Variants in CTSZ observed in about 807,000 individuals in gnomAD.
CTSZ encodes carboxypeptidase LB.
A neutral mutation model predicts 32.4 loss-of-function variants in CTSZ; 39 were observed. That is an observed-to-expected ratio of 1.20 (90% CI 0.93 to 1.57). The LOEUF is 1.57. CTSZ is among the 40% of genes most tolerant of loss of function. CTSZ has a pLI of 0.00. For missense variants in CTSZ, 397 were observed against 419.6 expected, an observed-to-expected ratio of 0.95 and a Z score of 0.47; for synonymous variants, 168 against 170.1, an observed-to-expected ratio of 0.99 and a Z score of 0.10.
chr20:58,996,434 A>G (rs2091860470), intron 5 of CTSZ, among the ~76,000 whole-genome samples: 1 of 152,148 alleles, frequency 6.6e-6, no homozygotes, highest in Non-Finnish European at 1.5e-5. Flanking sequence ...CTGAACACCC[A>G]AAGTGCACAG....
intron 2 of CTSZ, among the ~76,000 whole-genome samples, chr20:59,005,012 TTCTCC>T (rs2091903713): frequency 6.6e-6 from 1 of 151,876 alleles, no homozygotes; most frequent in African/African-American, 2.4e-5. Context: ...GACCTTTCTA[TTCTCC>T]CCTCACCCTC....
chr20:59,005,375 G>C (rs2091905084), intron 2 of CTSZ, among the ~76,000 whole-genome samples: 1 of 152,152 alleles, frequency 6.6e-6, no homozygotes, highest in Non-Finnish European at 1.5e-5. Context: ...CTCACACTAT[G>C]CTCAAGCCTC....
chr20:58,997,192 T>C (rs1250482206), intron 4 of CTSZ, among the ~76,000 whole-genome samples: 2 of 149,744 alleles, frequency 1.3e-5, no homozygotes, highest in Admixed American at 1.3e-4. Context: ...AAATCTGGTA[T>C]GACAACAAAG....
chr20:59,001,657 G>GCACCTGCCAGTCAGCACTCAC lies in CTSZ; in HGVS notation c.308-34_308-14dup. 1.9e-6 allele frequency: 3 copies of GCACCTGCCAGTCAGCACTCAC among 1,609,524 alleles called. No homozygotes were observed. Among genetic ancestry groups the GCACCTGCCAGTCAGCACTCAC allele is most frequent in the Non-Finnish European group, 2.5e-6 (3 of 1,177,040 alleles). ...ATGTTGATCCGATCTGCAACAGTCA[G>GCACCTGCCAGTCAGCACTCAC]CACCTGCCAGTCAGCACTCACCCAC... On this transcript the variant is annotated splice_polypyrimidine_tract_variant and intron_variant, in intron 2 of 5. Coordinates refer to ENST00000217131, the MANE Select transcript of CTSZ (RefSeq NM_001336.4).
Position 58,996,789 on chromosome 20 carries a change from C to T in CTSZ, c.651G>A (p.Met217Ile), listed in dbSNP as rs766010097. The T allele has an allele frequency of 1.9e-6, 3 of 1,614,020 alleles. No homozygotes were observed. Among genetic ancestry groups the T allele is most frequent in the Non-Finnish European group, 2.5e-6 (3 of 1,179,980 alleles). Residue 217 changes from methionine (M) to isoleucine (I), a missense_variant, in exon 5 of 6, where the codon ATG becomes ATA. Coordinates refer to ENST00000217131, the MANE Select transcript of CTSZ (RefSeq NM_001336.4). ...TGTAGTTAGCCAGTCTTTCTGTTGC[C>T]ATTATTCCACAGCTGAGAGCAAGCA... ...YANGPISCGI[M>I]ATERLANYTG...
At chr20:58,998,439 T>C (rs1420756075) in intron 3 of CTSZ, among the ~76,000 whole-genome samples, 1 of 149,948 alleles carries the variant, frequency 6.7e-6, no homozygotes, top group Non-Finnish European at 1.5e-5. Flanking sequence ...AGCTACTCAG[T>C]GGAGGCTGAG....
In CTSZ at chr20:59,007,076, G is replaced by A. The variant is rs920195081; in HGVS notation, c.53C>T (p.Ala18Val). The change falls in exon 1 of 6, where the codon GCG becomes GTG. Residue 18 changes from alanine to valine, a missense_variant. Coordinates refer to ENST00000217131, the MANE Select transcript of CTSZ (RefSeq NM_001336.4). The stretch of plus-strand genomic sequence containing the variant: ...GTAGAGGCCGCCCTGCGCCGCGCCC[G>A]CCAGCAGCACGAGCAGCAGAAGCGG... ...WRPLLLLVLLAGAAQGGLYFR... is the reference protein window; with the variant it reads ...WRPLLLLVLLVGAAQGGLYFR... The A allele has an allele frequency of 7.5e-6, 11 of 1,458,766 alleles. No homozygotes were observed. Among genetic ancestry groups the A allele is most frequent in the African/African-American group, 1.5e-5 (1 of 67,484 alleles). 90.4% of individuals were successfully genotyped at this position (1,458,766 alleles called of 1,614,324 possible). A position where few individuals can be genotyped will look rare whatever the true frequency, so the allele number is the denominator to read the frequency against.
chr20:58,995,931 AC>A (rs1305880571), intron 5 of CTSZ, among the ~76,000 whole-genome samples, 172 bp from the exon 6 acceptor site: 1 of 152,032 alleles, frequency 6.6e-6, no homozygotes, highest in Admixed American at 6.5e-5. Flanking sequence ...GTTCTGAAAT[AC>A]CTTTTGTGAA....
intron 3 of CTSZ, 86 bp downstream of exon 3, chr20:59,001,379 G>T: frequency 7.0e-7 from 1 of 1,428,836 alleles, no homozygotes. Context: ...GGAGCACGGG[G>T]TCAGGCTGGG....
rs946417301 is a variant in CTSZ at position 58,995,186 on chromosome 20, C to T, written c.*463G>A. 1.4e-4 allele frequency: 25 copies of T among 172,622 alleles called. No individual in the cohort carries two copies. The highest frequency in any genetic ancestry group is 5.5e-4 in the African/African-American group (23 of 42,018). The allele number at this position is 172,622 out of a possible 1,614,324, so 10.7% of individuals were successfully genotyped here. ...CGAATAAGGCACGGGCAGCCTCAGT[C>T]TCGTGCAGAGCCAGATACTTTATTC... is the stretch of plus-strand genomic sequence containing the variant. On this transcript the variant is annotated 3_prime_UTR_variant, in exon 6 of 6. Coordinates refer to ENST00000217131, the MANE Select transcript of CTSZ (RefSeq NM_001336.4).
chr20:59,007,171 G>A lies in CTSZ; in HGVS notation c.-43C>T. On this transcript the variant is annotated 5_prime_UTR_variant, in exon 1 of 6. Transcript: ENST00000217131. Reference sequence around the variant, plus strand: ...TGGGTCCCGCTCCGGATCCCGCTCCGAGTCCCAGATCCCGCGCCGGCTCCC... The same window carrying A: ...TGGGTCCCGCTCCGGATCCCGCTCCAAGTCCCAGATCCCGCGCCGGCTCCC... The A allele has an allele frequency of 7.6e-7, 1 of 1,309,314 alleles. No homozygotes were observed. The highest frequency in any genetic ancestry group is 9.6e-7 in the Non-Finnish European group (1 of 1,036,820). The allele number at this position is 1,309,314 out of a possible 1,614,324, so 81.1% of individuals were successfully genotyped here.
In CTSZ at chr20:59,007,218, TCGGCCTCGGCCC is replaced by T; in HGVS notation, c.-102_-91del. The T allele has an allele frequency of 1.3e-5, 15 of 1,198,356 alleles. No individual in the cohort carries two copies. The highest frequency in any genetic ancestry group is 3.8e-5 in the East Asian group (1 of 26,506). 74.2% of individuals were successfully genotyped at this position (1,198,356 alleles called of 1,614,324 possible). A position where few individuals can be genotyped will look rare whatever the true frequency, so the allele number is the denominator to read the frequency against. On this transcript the variant is annotated 5_prime_UTR_variant, in exon 1 of 6. Coordinates refer to ENST00000217131, the MANE Select transcript of CTSZ (RefSeq NM_001336.4). ...TCCCGCTCTGGATCCCGCCCCGGCC[TCGGCCTCGGCCC>T]AGCACCCGGCCGACCCCGCACTTTG...
chr20:58,995,627 CTG>C lies in CTSZ; in HGVS notation c.*20_*21del. 13 of 1,608,456 alleles carry C rather than the reference CTG, an allele frequency of 8.1e-6. No individual in the cohort carries two copies. In the Middle Eastern group the frequency reaches 2.1e-3, roughly 266 times the overall value. On this transcript the variant is annotated 3_prime_UTR_variant, in exon 6 of 6. Transcript: ENST00000217131. The stretch of plus-strand genomic sequence containing the variant: ...ATGGGTCACCATGCCTTTTCTTAAA[CTG>C]CGCTTCTAGTGACATGGCCTTAAAC...
In CTSZ at chr20:58,997,759, G is replaced by A. The variant is rs2091868813; in HGVS notation, c.488-6C>T. 6.3e-7 allele frequency: 1 copy of A among 1,590,584 alleles called. No homozygotes were observed. The highest frequency in any genetic ancestry group is 8.6e-7 in the Non-Finnish European group (1 of 1,169,070). ...TTGGTTAAACTTGTCACACTCTGGG[G>A]GAGAGCAAGAAAAGTCAGCATGAGG... is the stretch of plus-strand genomic sequence containing the variant. On this transcript the variant is annotated splice_region_variant and splice_polypyrimidine_tract_variant and intron_variant, in intron 3 of 5. Transcript: ENST00000217131.
chr20:58,997,796 T>C (rs1362258760), intron 3 of CTSZ, 43 bp from the exon 4 acceptor site: 2 of 1,530,880 alleles, frequency 1.3e-6, no homozygotes, highest in Non-Finnish European at 1.8e-6. Flanking sequence ...CGTCTCCTCA[T>C]CAACCCACTG....
chr20:59,003,715 T>C (rs2091898547), intron 2 of CTSZ, among the ~76,000 whole-genome samples: 1 of 152,002 alleles, frequency 6.6e-6, no homozygotes, highest in African/African-American at 2.4e-5. Context: ...GAGGGAGCCA[T>C]GGGACCTCAG....
At chr20:58,996,579 G>C in intron 5 of CTSZ, 60 bp downstream of exon 5, 1 of 1,552,866 alleles carries the variant, frequency 6.4e-7, no homozygotes, top group Non-Finnish European at 8.9e-7. Flanking sequence ...CCATTCAAGC[G>C]AGAGGAGTAC....
intron 3 of CTSZ, among the ~76,000 whole-genome samples, chr20:59,000,410 C>T (rs1029770029): frequency 6.6e-6 from 1 of 152,194 alleles, no homozygotes; most frequent in Non-Finnish European, 1.5e-5. Flanking sequence ...CAAAACCTAC[C>T]AATTATGGGA....
chr20:58,996,625 TGAA>T lies in CTSZ; in HGVS notation c.801+11_801+13del. On this transcript the variant is annotated intron_variant, in intron 5 of 5. Coordinates refer to ENST00000217131, the MANE Select transcript of CTSZ (RefSeq NM_001336.4). ...TTTTCTAGGAATGACCTTAAGAAAA[TGAA>T]AACATCTTACCCATGGTTCACCCCA... The T allele has an allele frequency of 1.5e-5, 24 of 1,609,606 alleles. No individual in the cohort carries two copies. Among genetic ancestry groups the T allele is most frequent in the Non-Finnish European group, 2.0e-5 (24 of 1,177,452 alleles).
Sources: gnomAD v4.1 joint callset for allele counts (sites outside exome capture counted in the v4.1 genomes callset) on GRCh38, gnomAD v4.1.1 for gene constraint, MANE v1.5 for transcripts, NCBI Gene and HGNC (gene_info 2026-07-23, HGNC 2026-07-21) for gene names.